The following PPP1R36 variants were observed in gnomAD, a reference collection of about 807,000 sequenced individuals.
PPP1R36 encodes protein phosphatase 1 regulatory subunit 36.
Under a neutral mutation model 53.4 loss-of-function variants are expected in PPP1R36, and 47 were observed. That is an observed-to-expected ratio of 0.88 (90% confidence interval 0.70 to 1.12). The LOEUF (loss-of-function observed/expected upper bound fraction) is 1.12. Ranked by LOEUF, PPP1R36 falls within the 50% of genes most tolerant of loss-of-function variation. PPP1R36 has a pLI of 0.00. For synonymous variants in PPP1R36, 153 were observed against 170.5 expected (o/e 0.90, Z 0.80); for missense variants, 456 against 513.9 (o/e 0.89, Z 1.09).
chr14:64,568,798 C>T (rs535389606), intron 7 of PPP1R36, among the ~76,000 whole-genome samples: 3 of 152,210 alleles, frequency 2.0e-5, no homozygotes, highest in South Asian at 4.1e-4. Context: ...AAAATATTAT[C>T]ATGCAACAGT....
At chr14:64,589,095 C>G in intron 11 of PPP1R36, 57 bp from the exon 12 acceptor site, 1 of 1,322,930 alleles carries the variant, frequency 7.6e-7, no homozygotes, top group Non-Finnish European at 1.1e-6. Context: ...CAGTCTCAAC[C>G]CTGCACGTCA....
intron 9 of PPP1R36, 31 bp from the exon 10 acceptor site, chr14:64,587,163 G>C (rs370206789): frequency 5.8e-6 from 9 of 1,547,892 alleles, no homozygotes; most frequent in Non-Finnish European, 8.0e-6. Flanking sequence ...CACAGCTAAG[G>C]ATCGTGATTC....
chr14:64,560,305 G>A (rs925580044), intron 3 of PPP1R36, among the ~76,000 whole-genome samples: 1 of 151,742 alleles, frequency 6.6e-6, no homozygotes. Flanking sequence ...AGCCAGGCAT[G>A]GTGGTGCACA....
intron 3 of PPP1R36, among the ~76,000 whole-genome samples, chr14:64,562,794 C>T (rs1200313436): frequency 1.3e-5 from 2 of 152,064 alleles, no homozygotes; most frequent in African/African-American, 4.8e-5. Context: ...CAGCATTATA[C>T]TAGATGATAT....
At chr14:64,566,340 G>A (rs369592907) in intron 6 of PPP1R36, among the ~76,000 whole-genome samples, 1 of 151,908 alleles carries the variant, frequency 6.6e-6, no homozygotes, top group African/African-American at 2.4e-5. Flanking sequence ...ATACTTTGGC[G>A]GCTGAGGCAG....
At chr14:64,567,230 G>C (rs947994322) in intron 6 of PPP1R36, among the ~76,000 whole-genome samples, 6 of 152,188 alleles carry the variant, frequency 3.9e-5, no homozygotes, top group Non-Finnish European at 7.4e-5. Flanking sequence ...CAAAAGTCTT[G>C]AAAAATATTT....
chr14:64,560,865 T>G (rs755170986), intron 3 of PPP1R36, among the ~76,000 whole-genome samples: 12 of 152,220 alleles, frequency 7.9e-5, no homozygotes, highest in Non-Finnish European at 1.8e-4. Flanking sequence ...CAGAGAGATC[T>G]GAGCCTTGAA....
chr14:64,573,502 A>G lies in PPP1R36; in HGVS notation c.534-953A>G, dbSNP rs74056318. On this transcript the variant is annotated intron_variant, in intron 7 of 11. Coordinates refer to ENST00000298705, the MANE Select transcript of PPP1R36 (RefSeq NM_172365.3). ...ACGGTTGTTTTAGGAAAATAGCAGGAAAGTAGGCTGCTAACCGCCTGAGCA... is the reference window on the plus strand; with the variant it reads ...ACGGTTGTTTTAGGAAAATAGCAGGGAAGTAGGCTGCTAACCGCCTGAGCA... Among the ~76,000 whole-genome samples, 757 of 152,342 alleles carry G rather than the reference A, an allele frequency of 5.0e-3. 8 individuals carry two copies. The highest frequency in any genetic ancestry group is 0.017 in the African/African-American group (727 of 41,578).
chr14:64,587,071 T>C, intron 9 of PPP1R36, 123 bp from the exon 10 acceptor site: 1 of 870,752 alleles, frequency 1.1e-6, no homozygotes, highest in South Asian at 1.8e-5. Context: ...TTTTTCATTG[T>C]TTCAGGAATA....
intron 3 of PPP1R36, among the ~76,000 whole-genome samples, chr14:64,563,693 A>G (rs2080225858): frequency 6.6e-6 from 1 of 152,174 alleles, no homozygotes; most frequent in African/African-American, 2.4e-5. Context: ...CATTATTGAT[A>G]TCCATATTTA....
chr14:64,557,450 A>T (rs892509265), intron 3 of PPP1R36, among the ~76,000 whole-genome samples: 5 of 152,326 alleles, frequency 3.3e-5, no homozygotes, highest in Non-Finnish European at 5.9e-5. Context: ...GGGGAGGAGG[A>T]TACAACTGAA....
chr14:64,579,052 G>C (rs1181700926), intron 8 of PPP1R36, among the ~76,000 whole-genome samples: 3 of 152,190 alleles, frequency 2.0e-5, no homozygotes, highest in African/African-American at 7.2e-5. Context: ...ATAAGTCGGA[G>C]CTAAATGATA....
chr14:64,578,982 T>C (rs1431919039), intron 8 of PPP1R36, among the ~76,000 whole-genome samples: 1 of 152,226 alleles, frequency 6.6e-6, no homozygotes, highest in East Asian at 1.9e-4. Context: ...CTGGAGGCTA[T>C]TATCCTTAGC....
In PPP1R36 at chr14:64,557,295, C is replaced by T. The variant is rs144445930; in HGVS notation, c.182+4434C>T. Among the ~76,000 whole-genome samples the T allele has an allele frequency of 9.1e-3, 1,383 of 152,110 alleles. 32 individuals are homozygous for T. The highest frequency in any genetic ancestry group is 9.2e-3 in the Non-Finnish European group (624 of 68,026). On this transcript the variant is annotated intron_variant, in intron 3 of 11. Coordinates refer to ENST00000298705, the MANE Select transcript of PPP1R36 (RefSeq NM_172365.3). ...CTCCTCAATTATTTTGAAGCAAATC[C>T]CAGGCATCATATCATCTGTAAATAT... is the stretch of plus-strand genomic sequence containing the variant.
intron 3 of PPP1R36, among the ~76,000 whole-genome samples, chr14:64,557,070 A>G (rs2080161205): frequency 6.6e-6 from 1 of 151,864 alleles, no homozygotes; most frequent in Non-Finnish European, 1.5e-5. Flanking sequence ...GAGCTCAAGC[A>G]ATCTGCCTGC....
chr14:64,560,399 C>T (rs2080197057), intron 3 of PPP1R36, among the ~76,000 whole-genome samples: 1 of 149,912 alleles, frequency 6.7e-6, no homozygotes, highest in Non-Finnish European at 1.5e-5. Flanking sequence ...CATGATGGCA[C>T]CACTGCACTC....
chr14:64,584,573 G>A (rs989361876), intron 8 of PPP1R36, among the ~76,000 whole-genome samples: 1 of 152,154 alleles, frequency 6.6e-6, no homozygotes, highest in East Asian at 1.9e-4. Flanking sequence ...TTTCCGCTGA[G>A]CTCTGTTGTT....
chr14:64,565,106 T>C (rs1203846855), intron 4 of PPP1R36, among the ~76,000 whole-genome samples: 3 of 152,260 alleles, frequency 2.0e-5, no homozygotes, highest in South Asian at 4.1e-4. Flanking sequence ...GAACAGATGA[T>C]TTAAATGATC....
intron 2 of PPP1R36, chr14:64,551,525 T>A (rs2080093714): frequency 2.3e-6 from 1 of 431,244 alleles, no homozygotes; most frequent in Non-Finnish European, 4.7e-6. Flanking sequence ...ATAGCTAAAT[T>A]AATACTAGAC....
Sources: gnomAD v4.1 joint callset for allele counts (sites outside exome capture counted in the v4.1 genomes callset) on GRCh38, gnomAD v4.1.1 for gene constraint, MANE v1.5 for transcripts, NCBI Gene and HGNC (gene_info 2026-07-23, HGNC 2026-07-21) for gene names.